The following ST7L variants were observed in gnomAD, a reference collection of about 807,000 sequenced individuals.
ST7L encodes suppression of tumorigenicity 7 like.
A neutral mutation model predicts 72.5 loss-of-function variants in ST7L; 57 were observed. That is an observed-to-expected ratio of 0.79 (90% CI 0.64 to 0.98). ST7L has a LOEUF of 0.98. Ranked by LOEUF, ST7L falls within the 50% of genes least tolerant of loss-of-function variation. The pLI is 0.00. For missense variants in ST7L, 576 were observed against 672.2 expected (o/e 0.86, Z 1.58); for synonymous variants, 221 against 240.9 (o/e 0.92, Z 0.77).
At chr1:112,555,573 A>C (rs1658978478) in intron 12 of ST7L, among the ~76,000 whole-genome samples, 1 of 152,182 alleles carries the variant, frequency 6.6e-6, no homozygotes, top group East Asian at 1.9e-4. Flanking sequence ...TCAAAAAAAA[A>C]CAAAAAAAGT....
chr1:112,533,968 C>T (rs1654795412), intron 14 of ST7L, among the ~76,000 whole-genome samples: 1 of 152,220 alleles, frequency 6.6e-6, no homozygotes, highest in Admixed American at 6.5e-5. Flanking sequence ...GTGTCAGCCA[C>T]CATGCACAGC....
At chr1:112,596,105 G>A (rs1666440398) in intron 5 of ST7L, among the ~76,000 whole-genome samples, 1 of 152,154 alleles carries the variant, frequency 6.6e-6, no homozygotes, top group Non-Finnish European at 1.5e-5. Flanking sequence ...TACTGATACT[G>A]TGCTGCTGTT....
At chr1:112,597,426 G>A (rs1312853883) in intron 5 of ST7L, among the ~76,000 whole-genome samples, 1 of 152,142 alleles carries the variant, frequency 6.6e-6, no homozygotes. Flanking sequence ...ACTCCAGCCT[G>A]GACAACAGAG....
intron 4 of ST7L, among the ~76,000 whole-genome samples, chr1:112,599,864 T>C (rs1667127953): frequency 6.6e-6 from 1 of 152,206 alleles, no homozygotes; most frequent in African/African-American, 2.4e-5. Context: ...TATATACTTA[T>C]ACGTATCACA....
downstream of ST7L, chr1:112,520,847 A>G: frequency 3.4e-6 from 1 of 292,328 alleles, no homozygotes; most frequent in Non-Finnish European, 6.4e-6. Context: ...CAGCTTCCCG[A>G]TACTTCTTGG....
At chr1:112,607,913 T>C (rs531119743) in intron 3 of ST7L, among the ~76,000 whole-genome samples, 1 of 152,282 alleles carries the variant, frequency 6.6e-6, no homozygotes, top group South Asian at 2.1e-4. Flanking sequence ...AAATTTTAAA[T>C]TGGTTCCCCC....
the ST7L span, chr1:112,518,272 A>G: frequency 6.6e-6 from 1 of 152,222 alleles, no homozygotes; most frequent in Admixed American, 6.5e-5. Flanking sequence ...GGAACATGCA[A>G]TGCAGCAGAA....
At chr1:112,535,458 G>A (rs544711964) in intron 14 of ST7L, among the ~76,000 whole-genome samples, 3 of 151,566 alleles carry the variant, frequency 2.0e-5, no homozygotes, top group African/African-American at 4.8e-5. Context: ...GGCTGGGCAC[G>A]GTGGCTCAAG....
chr1:112,550,751 T>A (rs1480044140), intron 12 of ST7L, 58 bp from the exon 13 acceptor site: 10 of 1,372,560 alleles, frequency 7.3e-6, no homozygotes, highest in Non-Finnish European at 1.0e-5. Context: ...CATCCTATAT[T>A]TGGAGACAAA....
rs765855674 is a variant in ST7L at position 112,555,851 on chromosome 1, T to C, written c.1396+17A>G. ...TAGTTAGAGAGATTAGTGTTACTTT[T>C]GGAAAAGAATACTTACTGCCTTCCC... On this transcript the variant is annotated intron_variant, in intron 12 of 14. Coordinates refer to ENST00000358039, the MANE Select transcript of ST7L (RefSeq NM_017744.5). 2 of 1,482,184 alleles carry C rather than the reference T, an allele frequency of 1.3e-6. No homozygotes were observed. The highest frequency in any genetic ancestry group is 2.2e-5 in the Admixed American group (1 of 45,568). The allele number at this position is 1,482,184 out of a possible 1,614,324, so 91.8% of individuals were successfully genotyped here. A position where few individuals can be genotyped will look rare whatever the true frequency, so the allele number is the denominator to read the frequency against.
intron 14 of ST7L, 123 bp from the exon 15 acceptor site, chr1:112,526,234 A>C: frequency 1.5e-6 from 2 of 1,363,334 alleles, no homozygotes; most frequent in Non-Finnish European, 1.0e-6. Flanking sequence ...TTATCAACCA[A>C]TGGCTCTTTT....
At chr1:112,557,712 A>G (rs942778293) in intron 11 of ST7L, among the ~76,000 whole-genome samples, 2 of 152,198 alleles carry the variant, frequency 1.3e-5, no homozygotes, top group African/African-American at 4.8e-5. Context: ...ATATTTACAG[A>G]TAGGTAGAAT....
chr1:112,539,052 T>A (rs1655663418), intron 14 of ST7L: 1 of 152,228 alleles, frequency 6.6e-6, no homozygotes, highest in Non-Finnish European at 1.5e-5. Flanking sequence ...CAATGCTGCC[T>A]CTTTTCCACC....
At chr1:112,556,978 A>G (rs552511348) in intron 11 of ST7L, among the ~76,000 whole-genome samples, 1 of 133,294 alleles carries the variant, frequency 7.5e-6, no homozygotes, top group Admixed American at 7.0e-5. Flanking sequence ...AAAAAAAAAA[A>G]AAAAAACAAA....
intron 11 of ST7L, among the ~76,000 whole-genome samples, chr1:112,556,966 C>CAAAAAAAAAAAAAAAAAAA (rs60106072): frequency 1.1e-3 from 56 of 49,536 alleles, no homozygotes; most frequent in Non-Finnish European, 1.5e-3. Context: ...GACTCTGTCT[C>CAAAAAAAAAAAAAAAAAAA]AAAAAAAAAA....
chr1:112,550,501 C>G, intron 13 of ST7L, 100 bp downstream of exon 13: 2 of 818,662 alleles, frequency 2.4e-6, no homozygotes, highest in East Asian at 5.4e-5. Context: ...TAAACAGTGT[C>G]CTGAATTTAA....
intron 7 of ST7L, among the ~76,000 whole-genome samples, chr1:112,582,958 T>G (rs1443472804): frequency 6.6e-6 from 1 of 152,192 alleles, no homozygotes; most frequent in South Asian, 2.1e-4. Context: ...AGTGAGTAGT[T>G]GACAAACTAT....
At chr1:112,585,732 CAA>C (rs34816760) in intron 6 of ST7L, among the ~76,000 whole-genome samples, 3 of 106,448 alleles carry the variant, frequency 2.8e-5, no homozygotes, top group African/African-American at 3.7e-5. Context: ...GACTCCGTCT[CAA>C]AAAAAAAAAA....
At position 112,616,808 on chromosome 1, in the gene ST7L, C is replaced by A; in HGVS notation, c.288+5G>T. The stretch of plus-strand genomic sequence containing the variant: ...ACATGAAGGAAGGAAATGGAAACTA[C>A]TTACAAATATTAGTCCTGATATCAA... On this transcript the variant is annotated splice_donor_5th_base_variant and intron_variant, in intron 2 of 14. Transcript: ENST00000358039. 3 of 1,572,726 alleles carry A rather than the reference C, an allele frequency of 1.9e-6. No homozygotes were observed. The South Asian group carries it at 3.5e-5, about 19-fold the overall frequency.
Sources: gnomAD v4.1 joint callset for allele counts (sites outside exome capture counted in the v4.1 genomes callset) on GRCh38, gnomAD v4.1.1 for gene constraint, MANE v1.5 for transcripts, NCBI Gene and HGNC (gene_info 2026-07-23, HGNC 2026-07-21) for gene names.